TPTE2: variants seen among roughly 807,000 people sequenced by gnomAD.
TPTE2 encodes transmembrane phosphoinositide 3-phosphatase and tensin homolog 2, also known as phosphatidylinositol 3,4,5-trisphosphate 3-phosphatase TPTE2.
A neutral mutation model predicts 78.6 loss-of-function variants in TPTE2; 53 were observed. That is an observed-to-expected ratio of 0.67 (90% CI 0.54 to 0.85). The LOEUF (loss-of-function observed/expected upper bound fraction) is 0.85. Ranked by LOEUF, TPTE2 falls within the 40% of genes least tolerant of loss-of-function variation. The pLI, the probability that TPTE2 is intolerant of heterozygous loss-of-function variation, is 0.00. For synonymous variants in TPTE2, 175 were observed against 206.2 expected (o/e 0.85, Z 1.30); for missense variants, 461 against 623.0 (o/e 0.74, Z 2.77).
At chr13:19,547,039 CCCT>C in the TPTE2 span, among the ~76,000 whole-genome samples, 2 of 151,922 alleles carry the variant, frequency 1.3e-5, no homozygotes, top group South Asian at 2.1e-4. Context: ...CCAAGGATAG[CCCT>C]CCTGAAACTT....
At chr13:19,474,593 T>A (rs1490527495) in intron 5 of TPTE2, among the ~76,000 whole-genome samples, 2 of 152,246 alleles carry the variant, frequency 1.3e-5, no homozygotes, top group Non-Finnish European at 2.9e-5. Context: ...AGTCCATGAT[T>A]CCATATTTAT....
At chr13:19,506,158 A>ATGTTTTTTTT (rs1566069858), upstream of TPTE2, among the ~76,000 whole-genome samples, 1 of 23,556 alleles carries the variant, frequency 4.2e-5, no homozygotes, top group Non-Finnish European at 9.8e-5. Context: ...GTGTATATAA[A>ATGTTTTTTTT]TCTTTTTTTT....
intron 7 of TPTE2, among the ~76,000 whole-genome samples, chr13:19,465,920 C>T (rs1382310390): frequency 1.3e-5 from 2 of 152,204 alleles, no homozygotes; most frequent in Admixed American, 1.3e-4. Flanking sequence ...ATACGATAGA[C>T]TCTTAGCATT....
chr13:19,467,057 CT>C lies in TPTE2; in HGVS notation c.512+167del, dbSNP rs375726491. Reference sequence around the variant, plus strand: ...TTCACTGGTCCCTAAATATCACAATCTTTTAGTTTCAAAGTATGTGGGCATT... The same window carrying C: ...TTCACTGGTCCCTAAATATCACAATCTTTAGTTTCAAAGTATGTGGGCATT... On this transcript the variant is annotated intron_variant, in intron 7 of 19. Transcript: ENST00000400230. Among the ~76,000 whole-genome samples the C allele has an allele frequency of 1.7e-4, 26 of 152,200 alleles. No individual in the cohort carries two copies. In the East Asian group the frequency reaches 4.3e-3, roughly 25 times the overall value.
chr13:19,484,812 T>C (rs1880559340), intron 3 of TPTE2, among the ~76,000 whole-genome samples: 1 of 152,240 alleles, frequency 6.6e-6, no homozygotes, highest in Non-Finnish European at 1.5e-5. Context: ...TGCTCACTTT[T>C]GGCTTCCATT....
the TPTE2 span, among the ~76,000 whole-genome samples, chr13:19,557,415 GA>G: frequency 6.6e-6 from 1 of 152,142 alleles, no homozygotes; most frequent in East Asian, 1.9e-4. Context: ...AGGGATCCCT[GA>G]GAACCCAAAC....
upstream of TPTE2, among the ~76,000 whole-genome samples, chr13:19,506,856 C>T (rs1593407742): frequency 6.6e-6 from 1 of 152,236 alleles, no homozygotes; most frequent in Admixed American, 6.5e-5. Flanking sequence ...TAATATAGCC[C>T]AACCTGGTAG....
chr13:19,462,365 GGTATA>G (rs1330387582), intron 10 of TPTE2, among the ~76,000 whole-genome samples: 1 of 151,816 alleles, frequency 6.6e-6, no homozygotes, highest in Non-Finnish European at 1.5e-5. Flanking sequence ...AGCTCTACTA[GGTATA>G]GTATTCTTGG....
At chr13:19,541,181 G>T (rs57697836), upstream of TPTE2, among the ~76,000 whole-genome samples, 1 of 152,190 alleles carries the variant, frequency 6.6e-6, no homozygotes, top group Non-Finnish European at 1.5e-5. Context: ...TTCTTGCCAG[G>T]TGGCTCATTC....
the TPTE2 span, among the ~76,000 whole-genome samples, chr13:19,558,911 T>C: frequency 6.6e-6 from 1 of 152,230 alleles, no homozygotes; most frequent in Non-Finnish European, 1.5e-5. Flanking sequence ...ACTATTTTAA[T>C]AAAATGGCTA....
chr13:19,502,753 C>A (rs986412135), intron 1 of TPTE2, among the ~76,000 whole-genome samples: 10 of 151,252 alleles, frequency 6.6e-5, no homozygotes, highest in Non-Finnish European at 8.8e-5. Flanking sequence ...ACATATGTAA[C>A]TAACCTGCAC....
chr13:19,450,063 A>C lies in TPTE2; in HGVS notation c.973+13T>G. On this transcript the variant is annotated intron_variant, in intron 13 of 19. Coordinates refer to ENST00000400230, the Ensembl canonical transcript of TPTE2. ...CTTTAGAAAGGGAAAAATGAAAAGG[A>C]AAATGTTATTACCTTTGCCTCCTTT... 1 of 1,609,772 alleles carries C rather than the reference A, an allele frequency of 6.2e-7. No individual in the cohort carries two copies. Among genetic ancestry groups the C allele is most frequent in the Non-Finnish European group, 8.5e-7 (1 of 1,179,062 alleles).
upstream of TPTE2, among the ~76,000 whole-genome samples, chr13:19,506,386 G>C (rs1415047952): frequency 6.6e-6 from 1 of 151,122 alleles, no homozygotes; most frequent in African/African-American, 2.4e-5. Flanking sequence ...TTTTAGCCGG[G>C]ATGGTCTCGA....
rs548336693 is a variant in TPTE2 at position 19,442,040 on chromosome 13, C to T, written c.974-3887G>A. On this transcript the variant is annotated intron_variant, in intron 13 of 19. Transcript: ENST00000400230. Reference sequence around the variant, plus strand: ...ATTATATTATTAAAATTCAATGGAACGAAAACAGAATGTCAGTAGGAAAAT... The same window carrying T: ...ATTATATTATTAAAATTCAATGGAATGAAAACAGAATGTCAGTAGGAAAAT... Among the ~76,000 whole-genome samples, 34 of 151,918 alleles carry T rather than the reference C, an allele frequency of 2.2e-4. No individual in the cohort carries two copies. In the East Asian group the frequency reaches 2.9e-3, roughly 13 times the overall value.
chr13:19,462,352 G>T (rs1468112413), intron 10 of TPTE2, among the ~76,000 whole-genome samples: 3 of 151,862 alleles, frequency 2.0e-5, no homozygotes, highest in Non-Finnish European at 2.9e-5. Context: ...ATTTCTAGGG[G>T]ATAGCTCTAC....
At chr13:19,433,759 A>AAC (rs888486199) in intron 15 of TPTE2, among the ~76,000 whole-genome samples, 3 of 152,192 alleles carry the variant, frequency 2.0e-5, no homozygotes, top group Non-Finnish European at 4.4e-5. Context: ...AGGTCTTGCC[A>AAC]ACACAGCTCT....
At chr13:19,494,327 A>C (rs1240184293) in intron 1 of TPTE2, among the ~76,000 whole-genome samples, 1 of 152,254 alleles carries the variant, frequency 6.6e-6, no homozygotes, top group Admixed American at 6.5e-5. Flanking sequence ...ATTATCGTGA[A>C]CACATCTAAG....
At chr13:19,549,055 G>C in the TPTE2 span, among the ~76,000 whole-genome samples, 1 of 151,172 alleles carries the variant, frequency 6.6e-6, no homozygotes, top group Non-Finnish European at 1.5e-5. Context: ...GGGAGGCAGA[G>C]GATGCAGTGA....
chr13:19,451,252 A>G (rs750368691), intron 10 of TPTE2, 27 bp from the exon 14 acceptor site: 1 of 1,612,864 alleles, frequency 6.2e-7, no homozygotes, highest in Admixed American at 1.7e-5. Flanking sequence ...CATATCTTAC[A>G]TATTTACATG....
Sources: allele counts gnomAD v4.1 joint callset (sites outside exome capture counted in the v4.1 genomes callset), GRCh38; gene constraint gnomAD v4.1.1; transcripts MANE v1.5; gene names NCBI Gene and HGNC (gene_info 2026-07-23, HGNC 2026-07-21).